Variants in GRM8 observed in about 807,000 individuals in gnomAD.
GRM8 encodes the protein metabotropic glutamate receptor 8.
A neutral mutation model predicts 87.2 loss-of-function variants in GRM8; 47 were observed. The observed-to-expected ratio is 0.54, with a 90% CI of 0.43 to 0.69. The LOEUF is 0.69. GRM8 is among the 30% of genes least tolerant of loss of function. GRM8 has a pLI of 0.00. For missense variants in GRM8, 1,019 were observed against 1,139.2 expected (o/e 0.89, Z 1.52); for synonymous variants, 396 against 404.5 (o/e 0.98, Z 0.25).
At chr7:126,532,404 G>A (rs886509584) in intron 9 of GRM8, among the ~76,000 whole-genome samples, 2 of 152,096 alleles carry the variant, frequency 1.3e-5, no homozygotes, top group African/African-American at 4.8e-5. Flanking sequence ...TTTTATACGT[G>A]TGTGTGATTA....
intron 3 of GRM8, among the ~76,000 whole-genome samples, chr7:127,102,873 C>T (rs6950761): frequency 6.6e-6 from 1 of 152,144 alleles, no homozygotes; most frequent in Admixed American, 6.5e-5. Context: ...CCTCCAGACT[C>T]CAGAATAGTA....
chr7:126,537,593 G>A (rs892758110), intron 8 of GRM8, among the ~76,000 whole-genome samples: 1 of 152,058 alleles, frequency 6.6e-6, no homozygotes, highest in Non-Finnish European at 1.5e-5. Context: ...TGGCCAACAC[G>A]GTAAAACCCT....
chr7:126,575,274 T>A (rs142510454), intron 8 of GRM8, among the ~76,000 whole-genome samples: 1 of 151,088 alleles, frequency 6.6e-6, no homozygotes. Context: ...ATACTTGTTA[T>A]GAGAATCTAA....
intron 2 of GRM8, among the ~76,000 whole-genome samples, chr7:127,144,978 T>TC (rs1193110581): frequency 1.3e-5 from 2 of 152,074 alleles, no homozygotes; most frequent in Non-Finnish European, 2.9e-5. Context: ...ATGCATCTTT[T>TC]CCCCAAAATA....
chr7:126,500,694 T>C (rs1057344580), intron 9 of GRM8, among the ~76,000 whole-genome samples: 1 of 152,070 alleles, frequency 6.6e-6, no homozygotes, highest in African/African-American at 2.4e-5. Flanking sequence ...GTTTGGCATG[T>C]AGTAATAAAT....
intron 3 of GRM8, among the ~76,000 whole-genome samples, chr7:126,921,420 C>G (rs1804522129): frequency 6.6e-6 from 1 of 151,850 alleles, no homozygotes; most frequent in African/African-American, 2.4e-5. Flanking sequence ...AGGCCATTAC[C>G]AAAGAAAAAT....
At chr7:126,956,955 G>T (rs1398677158) in intron 3 of GRM8, among the ~76,000 whole-genome samples, 1 of 152,040 alleles carries the variant, frequency 6.6e-6, no homozygotes, top group African/African-American at 2.4e-5. Flanking sequence ...AATAATCTAC[G>T]CAATGAAAGA....
At chr7:126,518,016 C>A (rs1812425572) in intron 9 of GRM8, among the ~76,000 whole-genome samples, 1 of 151,884 alleles carries the variant, frequency 6.6e-6, no homozygotes, top group Admixed American at 6.6e-5. Context: ...GAGAAAAAGA[C>A]ATAAAAGGGA....
chr7:126,712,160 G>C (rs1811170631), intron 7 of GRM8, among the ~76,000 whole-genome samples: 1 of 152,120 alleles, frequency 6.6e-6, no homozygotes, highest in African/African-American at 2.4e-5. Context: ...TGAACACTTA[G>C]AAGTCATTGT....
At chr7:126,799,017 G>C (rs964902608) in intron 6 of GRM8, among the ~76,000 whole-genome samples, 2 of 152,100 alleles carry the variant, frequency 1.3e-5, no homozygotes, top group African/African-American at 4.8e-5. Flanking sequence ...ATTATATAAG[G>C]AGCTTGGAGA....
At chr7:126,469,274 A>C (rs1804865909) in intron 9 of GRM8, among the ~76,000 whole-genome samples, 1 of 152,192 alleles carries the variant, frequency 6.6e-6, no homozygotes, top group African/African-American at 2.4e-5. Flanking sequence ...AGTAAAATTC[A>C]GTGAAACTAT....
At chr7:126,452,065 A>G (rs1802672990) in intron 9 of GRM8, among the ~76,000 whole-genome samples, 1 of 151,772 alleles carries the variant, frequency 6.6e-6, no homozygotes, top group African/African-American at 2.4e-5. Flanking sequence ...CTGGATTAAG[A>G]AAATGTGGCA....
At chr7:127,196,775 C>T (rs1795299686) in intron 2 of GRM8, among the ~76,000 whole-genome samples, 1 of 152,202 alleles carries the variant, frequency 6.6e-6, no homozygotes, top group Admixed American at 6.5e-5. Context: ...GGATAAGTCA[C>T]TTAACTTCTC....
chr7:126,543,279 T>C (rs1454022421), intron 8 of GRM8, among the ~76,000 whole-genome samples: 1 of 152,238 alleles, frequency 6.6e-6, no homozygotes, highest in Non-Finnish European at 1.5e-5. Flanking sequence ...TTACTTAAAA[T>C]GCATATTTCT....
intron 7 of GRM8, among the ~76,000 whole-genome samples, chr7:126,661,834 T>C (rs1009402894): frequency 2.0e-5 from 3 of 152,178 alleles, no homozygotes; most frequent in African/African-American, 7.2e-5. Flanking sequence ...GTAAAAAAGC[T>C]CCCTAACAAC....
intron 2 of GRM8, among the ~76,000 whole-genome samples, chr7:127,108,429 T>C (rs1826018471): frequency 6.6e-6 from 1 of 152,120 alleles, no homozygotes; most frequent in Non-Finnish European, 1.5e-5. Flanking sequence ...AAATTATATG[T>C]ATGTGCGAGT....
chr7:126,557,319 G>A (rs1364394470), intron 8 of GRM8, among the ~76,000 whole-genome samples: 2 of 152,204 alleles, frequency 1.3e-5, no homozygotes, highest in Admixed American at 1.3e-4. Context: ...ACAAAGAAAA[G>A]TAAAATGTAT....
chr7:126,776,608 A>T (rs1819504260), intron 6 of GRM8, among the ~76,000 whole-genome samples: 1 of 152,198 alleles, frequency 6.6e-6, no homozygotes, highest in African/African-American at 2.4e-5. Context: ...AACGTGGTTG[A>T]TCATTTATTT....
intron 3 of GRM8, among the ~76,000 whole-genome samples, chr7:127,007,932 T>C (rs930911502): frequency 5.3e-5 from 8 of 152,092 alleles, no homozygotes; most frequent in East Asian, 1.9e-4. Flanking sequence ...AAACACTGTA[T>C]TTATACCTAA....
Sources: allele counts gnomAD v4.1 joint callset (sites outside exome capture counted in the v4.1 genomes callset), GRCh38; gene constraint gnomAD v4.1.1; transcripts MANE v1.5; gene names NCBI Gene and HGNC (gene_info 2026-07-23, HGNC 2026-07-21).